Variants in MED12L observed in about 807,000 individuals in gnomAD.
MED12L encodes the protein mediator of RNA polymerase II transcription subunit 12-like protein.
In MED12L, 60 loss-of-function variants were observed where a neutral mutation model predicts 281.3. The ratio of observed to expected loss-of-function variants is 0.21; its 90% CI spans 0.17 to 0.26. MED12L has a LOEUF of 0.26. Among genes scored for constraint, MED12L ranks in the 10% least tolerant of loss-of-function variants. MED12L has a pLI of 1.00. For synonymous variants in MED12L, 974 were observed against 987.2 expected, an observed-to-expected ratio of 0.99 and a Z score of 0.25; for missense variants, 2,146 against 2,680.9, an observed-to-expected ratio of 0.80 and a Z score of 4.41.
chr3:151,115,229 G>A (rs1712537794), intron 2 of MED12L, among the ~76,000 whole-genome samples: 1 of 150,526 alleles, frequency 6.6e-6, no homozygotes, highest in East Asian at 2.0e-4. Flanking sequence ...TTAGTCTTGG[G>A]TAAGTTGGTG....
intron 31 of MED12L, among the ~76,000 whole-genome samples, chr3:151,379,788 G>A (rs1394607460): frequency 1.3e-5 from 2 of 152,110 alleles, no homozygotes; most frequent in Non-Finnish European, 2.9e-5. Context: ...TATTCTTTCT[G>A]ATGTACATTT....
chr3:151,283,063 C>CT (rs1445568164), intron 16 of MED12L, among the ~76,000 whole-genome samples: 17 of 152,334 alleles, frequency 1.1e-4, no homozygotes, highest in Admixed American at 6.5e-4. Flanking sequence ...CAATTGTGCA[C>CT]TTGCCTTCAT....
chr3:151,169,106 G>T (rs77855461), intron 11 of MED12L, among the ~76,000 whole-genome samples: 1,236 of 115,728 alleles, frequency 0.011, 23 homozygotes, highest in African/African-American at 0.037. Flanking sequence ...CTTTTTCTTT[G>T]TTTTTTTTTT....
At chr3:151,109,259 G>C (rs561893304) in intron 2 of MED12L, among the ~76,000 whole-genome samples, 3 of 152,150 alleles carry the variant, frequency 2.0e-5, no homozygotes, top group Non-Finnish European at 2.9e-5. Flanking sequence ...GTTTCACCGT[G>C]TTAGCCAGGA....
At chr3:151,166,964 G>A (rs1264040421) in intron 11 of MED12L, among the ~76,000 whole-genome samples, 1 of 152,058 alleles carries the variant, frequency 6.6e-6, no homozygotes, top group Non-Finnish European at 1.5e-5. Context: ...CTGAGCCACC[G>A]CACCCGGCCG....
At chr3:151,402,429 A>G (rs867953342) in intron 39 of MED12L, among the ~76,000 whole-genome samples, 8 of 152,344 alleles carry the variant, frequency 5.3e-5, no homozygotes, top group Admixed American at 2.0e-4. Context: ...ATGTGTGGTT[A>G]ATCTGATGAT....
At chr3:151,190,173 T>C (rs1723785179) in intron 13 of MED12L, among the ~76,000 whole-genome samples, 1 of 151,556 alleles carries the variant, frequency 6.6e-6, no homozygotes, top group Non-Finnish European at 1.5e-5. Flanking sequence ...AGGACTACTA[T>C]CTTTTTTTTT....
At chr3:151,369,734 T>C (rs1016596689) in intron 26 of MED12L, among the ~76,000 whole-genome samples, 185 bp downstream of exon 26, 6 of 152,216 alleles carry the variant, frequency 3.9e-5, no homozygotes, top group African/African-American at 1.4e-4. Context: ...TCCTGTCCCT[T>C]ATCTAGTGTC....
Position 151,384,932 on chromosome 3 carries a change from G to A in MED12L, c.4927-98G>A, listed in dbSNP as rs977818243. 1.7e-5 allele frequency: 13 copies of A among 755,288 alleles called. No individual in the cohort carries two copies. In the African/African-American group the frequency reaches 2.1e-4, roughly 12 times the overall value. The allele number at this position is 755,288 out of a possible 1,614,324, so 46.8% of individuals were successfully genotyped here. Reference sequence around the variant, plus strand: ...AGAACATGCGCTAAGCTATAAAAAGGGAAATGTTTCATAGGGGAACTTCCT... The same window carrying A: ...AGAACATGCGCTAAGCTATAAAAAGAGAAATGTTTCATAGGGGAACTTCCT... On this transcript the variant is annotated intron_variant, in intron 35 of 44. Transcript: ENST00000687756.
chr3:151,164,769 G>T (rs529285704), intron 9 of MED12L, among the ~76,000 whole-genome samples: 168 of 151,766 alleles, frequency 1.1e-3, no homozygotes, highest in African/African-American at 3.9e-3. Context: ...ACCAAACACC[G>T]CATGTTCTCA....
At chr3:151,407,140 A>G (rs1318179268) in intron 39 of MED12L, among the ~76,000 whole-genome samples, 1 of 152,212 alleles carries the variant, frequency 6.6e-6, no homozygotes, top group African/African-American at 2.4e-5. Flanking sequence ...CAACTAATAT[A>G]TGTAAATAAG....
At chr3:151,366,843 A>G (rs1295787128) in intron 23 of MED12L, among the ~76,000 whole-genome samples, 2 of 152,142 alleles carry the variant, frequency 1.3e-5, no homozygotes, top group South Asian at 2.1e-4. Flanking sequence ...TATCTTTAAT[A>G]TAGTTTCTTA....
rs1415695286 is a variant in MED12L at position 151,436,395 on chromosome 3, C to G, written c.*3591C>G. ...AAGTTCATTTTTTTACTGAAAAATT[C>G]AGGTACATTAGCCATTTGTTATTTT... On this transcript the variant is annotated 3_prime_UTR_variant, in exon 45 of 45. Coordinates refer to ENST00000687756, the MANE Select transcript of MED12L (RefSeq NM_001393769.1). 2 of 238,972 alleles carry G rather than the reference C, an allele frequency of 8.4e-6. No homozygotes were observed. Among genetic ancestry groups the G allele is most frequent in the Non-Finnish European group, 1.6e-5 (2 of 123,616 alleles). The allele number at this position is 238,972 out of a possible 1,614,324, so 14.8% of individuals were successfully genotyped here.
intron 5 of MED12L, among the ~76,000 whole-genome samples, chr3:151,144,103 T>C (rs1007664566): frequency 2.0e-5 from 3 of 152,068 alleles, no homozygotes; most frequent in African/African-American, 7.3e-5. Context: ...GTCCCTCTGT[T>C]AGAAGGAAGC....
intron 18 of MED12L, 36 bp downstream of exon 18, chr3:151,355,275 T>A: frequency 7.0e-7 from 1 of 1,435,550 alleles, no homozygotes; most frequent in Non-Finnish European, 9.6e-7. Context: ...GCATTTGCAG[T>A]ATTCTAATTT....
chr3:151,411,149 T>C (rs752578146), intron 40 of MED12L, 129 bp from the exon 41 acceptor site: 4 of 733,176 alleles, frequency 5.5e-6, no homozygotes, highest in Non-Finnish European at 9.2e-6. Context: ...TTTTGAGTTA[T>C]GAGAACCTTT....
chr3:151,123,203 A>T (rs1266157862), intron 4 of MED12L, among the ~76,000 whole-genome samples: 1 of 152,204 alleles, frequency 6.6e-6, no homozygotes, highest in Non-Finnish European at 1.5e-5. Flanking sequence ...CAAGCTGTTT[A>T]TGTGGATTTT....
intron 2 of MED12L, among the ~76,000 whole-genome samples, chr3:151,115,658 C>T (rs1179555830): frequency 2.0e-5 from 3 of 151,620 alleles, no homozygotes; most frequent in Non-Finnish European, 4.4e-5. Context: ...GGAAACAATT[C>T]TTAAAAAAAT....
At chr3:151,406,928 T>C (rs1244384597) in intron 39 of MED12L, among the ~76,000 whole-genome samples, 2 of 151,958 alleles carry the variant, frequency 1.3e-5, no homozygotes, top group Non-Finnish European at 1.5e-5. Context: ...ACCTTCCAAG[T>C]AGCTGAGACT....
Sources: allele counts gnomAD v4.1 joint callset (sites outside exome capture counted in the v4.1 genomes callset), GRCh38; gene constraint gnomAD v4.1.1; transcripts MANE v1.5; gene names NCBI Gene and HGNC (gene_info 2026-07-23, HGNC 2026-07-21).